The following KCNJ12 variants were observed in gnomAD, a reference collection of about 807,000 sequenced individuals.
KCNJ12 encodes potassium inwardly rectifying channel subfamily J member 12.
Under a neutral mutation model 22.3 loss-of-function variants are expected in KCNJ12, and 2 were observed. The ratio of observed to expected loss-of-function variants is 0.09; its 90% CI spans 0.04 to 0.28. KCNJ12 has a LOEUF of 0.28. Among genes scored for constraint, KCNJ12 ranks in the 10% least tolerant of loss-of-function variants. The probability of loss-of-function intolerance (pLI) is 1.00; values close to 1 mark genes in which losing one functional copy is unlikely to be tolerated. For missense variants in KCNJ12, 155 were observed against 633.3 expected (o/e 0.24, Z 8.11); for synonymous variants, 117 against 261.4 (o/e 0.45, Z 5.33).
chr17:21,380,434 A>G (rs940284999), intron 1 of KCNJ12, among the ~76,000 whole-genome samples: 2 of 152,154 alleles, frequency 1.3e-5, no homozygotes, highest in African/African-American at 4.8e-5. Context: ...GGATCTCACT[A>G]TCTCAGAGGA....
At chr17:21,377,175 T>C (rs1021532165) in intron 1 of KCNJ12, among the ~76,000 whole-genome samples, 2 of 152,206 alleles carry the variant, frequency 1.3e-5, no homozygotes, top group Non-Finnish European at 2.9e-5. Flanking sequence ...CTGGCTAACC[T>C]TCGTCCTGGG....
At chr17:21,392,654 C>T (rs577874236) in intron 1 of KCNJ12, among the ~76,000 whole-genome samples, 3 of 152,238 alleles carry the variant, frequency 2.0e-5, no homozygotes, top group Admixed American at 2.0e-4. Context: ...GACCCCCATC[C>T]TCCTCGAGTG....
chr17:21,383,683 C>T (rs1198147503), intron 1 of KCNJ12, among the ~76,000 whole-genome samples: 1 of 152,140 alleles, frequency 6.6e-6, no homozygotes, highest in African/African-American at 2.4e-5. Context: ...TTCTTTCCAT[C>T]CCCTCCTTTC....
intron 1 of KCNJ12, among the ~76,000 whole-genome samples, chr17:21,378,402 A>C (rs1231147150): frequency 6.6e-6 from 1 of 152,188 alleles, no homozygotes; most frequent in Non-Finnish European, 1.5e-5. Context: ...AAGACTTCAC[A>C]GCGAAGTCTG....
In KCNJ12 at chr17:21,418,098, G is replaced by A. The variant is rs1906949118; in HGVS notation, c.*1454G>A. On this transcript the variant is annotated 3_prime_UTR_variant, in exon 3 of 3. Transcript: ENST00000583088. ...CACTATGGCACCCTCATCAGGAAGA[G>A]GTTTGGGGTCCCCTTGTTGTCACTG... 1 of 167,114 alleles carries A rather than the reference G, an allele frequency of 6.0e-6. No individual in the cohort carries two copies. Among genetic ancestry groups the A allele is most frequent in the African/African-American group, 2.4e-5 (1 of 41,406 alleles). 10.4% of individuals were successfully genotyped at this position (167,114 alleles called of 1,614,324 possible). A position where few individuals can be genotyped will look rare whatever the true frequency, so the allele number is the denominator to read the frequency against.
intron 1 of KCNJ12, among the ~76,000 whole-genome samples, chr17:21,390,733 G>A (rs1339990296): frequency 6.6e-6 from 1 of 152,226 alleles, no homozygotes; most frequent in Admixed American, 6.5e-5. Flanking sequence ...CTGTCAGGCT[G>A]TGGTTGGTTT....
intron 1 of KCNJ12, among the ~76,000 whole-genome samples, chr17:21,390,173 C>A (rs1302926940): frequency 6.6e-6 from 1 of 152,204 alleles, no homozygotes; most frequent in South Asian, 2.1e-4. Context: ...CAGCTTCCCT[C>A]CCCATGATGG....
chr17:21,417,197 AG>A lies in KCNJ12; in HGVS notation c.*556del, dbSNP rs1906894859. On this transcript the variant is annotated 3_prime_UTR_variant, in exon 3 of 3. Transcript: ENST00000583088. ...TGCAGCAGCTGGCTGAAGGCTCCAG[AG>A]GGTTCCCCGAGGTGGGACTGGCCTC... The A allele has an allele frequency of 5.9e-6, 1 of 168,586 alleles. No homozygotes were observed. The highest frequency in any genetic ancestry group is 2.4e-5 in the African/African-American group (1 of 41,472). 10.4% of individuals were successfully genotyped at this position (168,586 alleles called of 1,614,324 possible).
intron 2 of KCNJ12, among the ~76,000 whole-genome samples, chr17:21,409,012 C>T (rs1906154636): frequency 2.0e-5 from 3 of 152,310 alleles, no homozygotes; most frequent in African/African-American, 4.8e-5. Flanking sequence ...ACTGTTCCAC[C>T]CATCTCCTCA....
At position 21,412,272 on chromosome 17, in the gene KCNJ12, C is replaced by A. The variant is rs1434599197; in HGVS notation, c.-56-3015C>A. On this transcript the variant is annotated intron_variant, in intron 2 of 2. Coordinates refer to ENST00000583088, the MANE Select transcript of KCNJ12 (RefSeq NM_021012.5). ...TGGGGGTTTCCAAGCCTGTATGACA[C>A]CATCTGGGCAGGTCTGCGGTGCCCA... is the stretch of plus-strand genomic sequence containing the variant. Among the ~76,000 whole-genome samples, 176 of 152,346 alleles carry A rather than the reference C, an allele frequency of 1.2e-3. 2 individuals carry two copies. The East Asian group carries it at 0.023, about 20-fold the overall frequency.
At chr17:21,381,769 A>G (rs116876634) in intron 1 of KCNJ12, among the ~76,000 whole-genome samples, 26 of 152,144 alleles carry the variant, frequency 1.7e-4, no homozygotes, top group Non-Finnish European at 3.1e-4. Context: ...TTATTTGCTG[A>G]TCTTGTTTAC....
intron 1 of KCNJ12, chr17:21,405,044 CGG>C (rs1239900919): frequency 6.5e-6 from 1 of 152,828 alleles, no homozygotes; most frequent in Non-Finnish European, 1.5e-5. Flanking sequence ...CTCTGTGGGC[CGG>C]GCGCATCCCG....
rs907821949 is a variant in KCNJ12, at chr17:21,379,048, G to A, written c.-179+2135G>A. Among the ~76,000 whole-genome samples the A allele has an allele frequency of 2.0e-5, 3 of 152,290 alleles. No homozygotes were observed. The South Asian group carries it at 6.2e-4, about 32-fold the overall frequency. ...TACCCCACCAGCCTTCCTGCCCCAG[G>A]GCCATGGTGTCCCCATCCCTGGGTC... On this transcript the variant is annotated intron_variant, in intron 1 of 2. Transcript: ENST00000583088.
At chr17:21,409,881 C>T (rs1906219698) in intron 2 of KCNJ12, among the ~76,000 whole-genome samples, 1 of 152,220 alleles carries the variant, frequency 6.6e-6, no homozygotes. Context: ...TGGCATTGGA[C>T]CCAAATGTTT....
intron 1 of KCNJ12, among the ~76,000 whole-genome samples, chr17:21,387,428 G>A (rs376403018): frequency 1.6e-4 from 21 of 128,238 alleles, no homozygotes; most frequent in East Asian, 1.1e-3. Flanking sequence ...GCGACAGAGC[G>A]AGACTCTATC....
At chr17:21,384,920 C>T (rs1905026185) in intron 1 of KCNJ12, among the ~76,000 whole-genome samples, 1 of 151,940 alleles carries the variant, frequency 6.6e-6, no homozygotes, top group African/African-American at 2.4e-5. Context: ...CTATAGGCAC[C>T]CACCACCGCG....
chr17:21,385,881 C>T (rs528168169), intron 1 of KCNJ12, among the ~76,000 whole-genome samples: 8 of 152,192 alleles, frequency 5.3e-5, no homozygotes, highest in Non-Finnish European at 8.8e-5. Flanking sequence ...GAGCAGGAAC[C>T]CTGGGAGCCT....
At chr17:21,387,400 C>T (rs1905102552) in intron 1 of KCNJ12, among the ~76,000 whole-genome samples, 2 of 145,086 alleles carry the variant, frequency 1.4e-5, no homozygotes, top group African/African-American at 2.7e-5. Context: ...CGAGATCGCG[C>T]CATAGCACTC....
chr17:21,385,614 C>G (rs1905046391), intron 1 of KCNJ12, among the ~76,000 whole-genome samples: 1 of 152,206 alleles, frequency 6.6e-6, no homozygotes, highest in Admixed American at 6.5e-5. Flanking sequence ...CCGGCCCTCC[C>G]TGGGGGTTGT....
Sources: allele counts gnomAD v4.1 joint callset (sites outside exome capture counted in the v4.1 genomes callset), GRCh38; gene constraint gnomAD v4.1.1; transcripts MANE v1.5; gene names NCBI Gene and HGNC (gene_info 2026-07-23, HGNC 2026-07-21).